Variants in NDUFA8 observed in about 807,000 individuals in gnomAD.
NDUFA8 encodes the protein NADH:ubiquinone oxidoreductase subunit A8.
A neutral mutation model predicts 20.9 loss-of-function variants in NDUFA8; 16 were observed. The ratio of observed to expected loss-of-function variants is 0.77; its 90% CI spans 0.52 to 1.16. The LOEUF (loss-of-function observed/expected upper bound fraction) is 1.16. Among genes scored for constraint, NDUFA8 ranks in the 50% most tolerant of loss-of-function variants. NDUFA8 has a pLI of 0.00. For synonymous variants in NDUFA8, 70 were observed against 76.1 expected, an observed-to-expected ratio of 0.92 and a Z score of 0.41; for missense variants, 202 against 216.4, an observed-to-expected ratio of 0.93 and a Z score of 0.42.
intron 3 of NDUFA8, among the ~76,000 whole-genome samples, chr9:122,146,435 A>G (rs375068168): frequency 2.4e-4 from 37 of 152,280 alleles, no homozygotes; most frequent in Middle Eastern, 3.4e-3. Context: ...TGTTACATGT[A>G]TAAGTTCTAC....
chr9:122,156,266 T>C (rs7875039), intron 1 of NDUFA8, among the ~76,000 whole-genome samples: 128,970 of 152,260 alleles, frequency 0.85, 55,026 homozygotes, highest in African/African-American at 0.95. Flanking sequence ...AACAGCCTCA[T>C]TGCACAGCAG....
the NDUFA8 span, among the ~76,000 whole-genome samples, chr9:122,135,958 G>A: frequency 2.0e-5 from 3 of 152,208 alleles, no homozygotes; most frequent in Admixed American, 6.5e-5. Flanking sequence ...AGAAGCTCAA[G>A]TCAAGAAAGG....
At chr9:122,150,151 G>A (rs1031522708) in intron 2 of NDUFA8, among the ~76,000 whole-genome samples, 1 of 151,310 alleles carries the variant, frequency 6.6e-6, no homozygotes, top group Non-Finnish European at 1.5e-5. Context: ...TGCTGGGCAC[G>A]GTGGCTCACG....
intron 3 of NDUFA8, among the ~76,000 whole-genome samples, chr9:122,145,822 T>C (rs925125921): frequency 6.6e-6 from 1 of 152,350 alleles, no homozygotes; most frequent in Middle Eastern, 3.4e-3. Context: ...TAGTGGTTCC[T>C]TGGTATTTGC....
At chr9:122,133,754 G>C in the NDUFA8 span, among the ~76,000 whole-genome samples, 6 of 152,238 alleles carry the variant, frequency 3.9e-5, no homozygotes, top group South Asian at 4.1e-4. Flanking sequence ...GCCCCAGGGC[G>C]AGCGCGTGAG....
At chr9:122,153,891 G>A (rs1024410174) in intron 1 of NDUFA8, among the ~76,000 whole-genome samples, 4 of 152,170 alleles carry the variant, frequency 2.6e-5, no homozygotes, top group African/African-American at 9.7e-5. Context: ...TCCTCAGAGA[G>A]CCTCTCTCTA....
In NDUFA8 at chr9:122,152,148, A is replaced by G. The variant is rs1351654321; in HGVS notation, c.215+97T>C. ...CTTGGTCTGATTTCAAAGCCTATGT[A>G]CTTCCTAATAAAATCCAGATTATTA... On this transcript the variant is annotated intron_variant, in intron 2 of 3. Transcript: ENST00000373768. 1.7e-5 allele frequency: 23 copies of G among 1,359,068 alleles called. 1 individual carries two copies. Among genetic ancestry groups the G allele is most frequent in the Non-Finnish European group, 2.4e-5 (23 of 952,142 alleles). 84.2% of individuals were successfully genotyped at this position (1,359,068 alleles called of 1,614,324 possible). A position where few individuals can be genotyped will look rare whatever the true frequency, so the allele number is the denominator to read the frequency against.
chr9:122,133,261 C>T, the NDUFA8 span, among the ~76,000 whole-genome samples: 31 of 152,332 alleles, frequency 2.0e-4, no homozygotes, highest in South Asian at 6.2e-3. Flanking sequence ...CTCTCAGTGA[C>T]AGCTCTGCTA....
At position 122,144,346 on chromosome 9, in the gene NDUFA8, C is replaced by T. The variant is rs11558962; in HGVS notation, c.414G>A (p.Pro138=). The T allele has an allele frequency of 2.9e-5, 47 of 1,613,962 alleles. No homozygotes were observed. The highest frequency in any genetic ancestry group is 2.3e-4 in the African/African-American group (17 of 74,904). The change falls in exon 4 of 4, where the codon CCG becomes CCA. Residue 138 remains proline, a synonymous_variant. Transcript: ENST00000373768. ...VTKVKTDRPL[P]ENPYHSRPRP... ...TTGGTCTTGAGTGATAGGGATTCTC[C>T]GGTAAAGGTCGATCTGTTTTCACTT...
chr9:122,134,409 C>T, the NDUFA8 span, among the ~76,000 whole-genome samples: 24,719 of 152,044 alleles, frequency 0.16, 3,115 homozygotes, highest in African/African-American at 0.36. Context: ...ATCCATAAAA[C>T]GGGAATAACA....
At chr9:122,149,302 T>C (rs1828955199) in intron 2 of NDUFA8, among the ~76,000 whole-genome samples, 2 of 152,340 alleles carry the variant, frequency 1.3e-5, no homozygotes, top group South Asian at 4.1e-4. Context: ...GGTCCACCAA[T>C]GTCACCAGCT....
At chr9:122,147,950 T>G (rs757521390) in intron 3 of NDUFA8, among the ~76,000 whole-genome samples, 162 bp downstream of exon 3, 17 of 152,144 alleles carry the variant, frequency 1.1e-4, no homozygotes, top group Non-Finnish European at 2.4e-4. Flanking sequence ...TTTTAAAAAT[T>G]CCTTTCTGGA....
At chr9:122,150,389 C>T (rs182762831) in intron 2 of NDUFA8, among the ~76,000 whole-genome samples, 80 of 117,404 alleles carry the variant, frequency 6.8e-4, no homozygotes, top group African/African-American at 2.4e-3. Context: ...CCAGCCTGGG[C>T]GACAGAGTGA....
At chr9:122,132,517 G>A in the NDUFA8 span, among the ~76,000 whole-genome samples, 89,520 of 151,780 alleles carry the variant, frequency 0.59, 27,392 homozygotes, top group Middle Eastern at 0.72. Context: ...AGCTGGGGAG[G>A]TGGGGGCGCC....
intron 2 of NDUFA8, among the ~76,000 whole-genome samples, chr9:122,150,630 G>A (rs150145403): frequency 7.0e-4 from 107 of 152,070 alleles, no homozygotes; most frequent in African/African-American, 2.2e-3. Context: ...GGTCAGGTAC[G>A]TTATGGTTGG....
At position 122,148,126 on chromosome 9, in the gene NDUFA8, C is replaced by G; in HGVS notation, c.367G>C (p.Gly123Arg). 6.2e-7 allele frequency: 1 copy of G among 1,614,148 alleles called. No individual in the cohort carries two copies. The highest frequency in any genetic ancestry group is 1.1e-5 in the South Asian group (1 of 91,086). Residue 123 changes from glycine to arginine, a missense_variant, in exon 3 of 4, where the codon GGA becomes CGA. Coordinates refer to ENST00000373768, the MANE Select transcript of NDUFA8 (RefSeq NM_014222.3). ...AGCCTTTTTACCTTTGACAGTTCTC[C>G]CAGGTCAGGCCGCACCCAGCCCAGT... ...DKLGWVRPDLGELSKVTKVKT... is the reference protein window; with the variant it reads ...DKLGWVRPDLRELSKVTKVKT...
At chr9:122,157,400 C>T (rs542120987) in intron 1 of NDUFA8, among the ~76,000 whole-genome samples, 8 of 152,294 alleles carry the variant, frequency 5.3e-5, no homozygotes, top group East Asian at 3.9e-4. Flanking sequence ...TCAAGGTGAC[C>T]GGCAGGTAGG....
the NDUFA8 span, among the ~76,000 whole-genome samples, chr9:122,135,621 G>A: frequency 3.3e-5 from 5 of 152,168 alleles, no homozygotes; most frequent in African/African-American, 9.7e-5. Flanking sequence ...ACAGGATCTC[G>A]CTGTGCTGCC....
chr9:122,135,180 CA>C, the NDUFA8 span, among the ~76,000 whole-genome samples: 1 of 152,212 alleles, frequency 6.6e-6, no homozygotes. Context: ...CACCTTGCCT[CA>C]AAACCCCCTG....
Sources: gnomAD v4.1 joint callset for allele counts (sites outside exome capture counted in the v4.1 genomes callset) on GRCh38, gnomAD v4.1.1 for gene constraint, MANE v1.5 for transcripts, NCBI Gene and HGNC (gene_info 2026-07-23, HGNC 2026-07-21) for gene names.